The following PRKN variants were observed in gnomAD, a reference collection of about 807,000 sequenced individuals.
PRKN encodes parkin RBR E3 ubiquitin protein ligase.
In PRKN, 56 loss-of-function variants were observed where a neutral mutation model predicts 59.5. The ratio of observed to expected loss-of-function variants is 0.94; its 90% CI spans 0.76 to 1.18. The LOEUF (loss-of-function observed/expected upper bound fraction) is 1.18, where lower values mean the gene tolerates loss of function less well. PRKN is among the 50% of genes most tolerant of loss of function. The pLI, the probability that PRKN is intolerant of heterozygous loss-of-function variation, is 0.00. For missense variants in PRKN, 657 were observed against 596.4 expected (o/e 1.10, Z -1.06); for synonymous variants, 250 against 222.1 (o/e 1.13, Z -1.12).
chr6:162,654,620 T>C (rs779152554), intron 1 of PRKN, among the ~76,000 whole-genome samples: 11 of 152,226 alleles, frequency 7.2e-5, no homozygotes, highest in Non-Finnish European at 1.0e-4. Flanking sequence ...ATCTTCTGAT[T>C]CATTCAAGAG....
At position 161,371,055 on chromosome 6, in the gene PRKN, C is replaced by T. The variant is rs1221825220; in HGVS notation, c.1168-10850G>A. 6.6e-6 allele frequency among the ~76,000 whole-genome samples: 1 copy of T among 152,170 alleles called. No homozygotes were observed. The highest frequency in any genetic ancestry group is 1.5e-5 in the Non-Finnish European group (1 of 68,028). On this transcript the variant is annotated intron_variant, in intron 10 of 11. Transcript: ENST00000366898. This position sits in a 1 kb window ranked among gnomAD's most constrained non-coding sequence, Gnocchi z 5.5. ...TTTTCAGGGGCCTTGAGCTAGTCAA[C>T]GTTACTGCTTGGCAACGGGTGTCAC... is the stretch of plus-strand genomic sequence containing the variant.
intron 7 of PRKN, among the ~76,000 whole-genome samples, chr6:161,630,999 C>A (rs918191975): frequency 6.6e-6 from 1 of 152,246 alleles, no homozygotes; most frequent in Non-Finnish European, 1.5e-5. Context: ...GCGGGCAGCA[C>A]TACCCCAGAA....
chr6:162,400,072 T>A (rs1787684658), intron 2 of PRKN, among the ~76,000 whole-genome samples: 1 of 152,066 alleles, frequency 6.6e-6, no homozygotes, highest in African/African-American at 2.4e-5. Context: ...CTGGGCATGG[T>A]GGCAGGTGCC....
chr6:162,422,440 G>A (rs1789018076), intron 2 of PRKN, among the ~76,000 whole-genome samples: 1 of 152,120 alleles, frequency 6.6e-6, no homozygotes, highest in South Asian at 2.1e-4. Context: ...CACTGCACAT[G>A]AGCTGACAGC....
chr6:162,113,877 G>A (rs1780550563), intron 4 of PRKN, among the ~76,000 whole-genome samples: 1 of 151,972 alleles, frequency 6.6e-6, no homozygotes, highest in Non-Finnish European at 1.5e-5. Flanking sequence ...AATCCATCTT[G>A]AATTGATTTT....
chr6:161,765,884 T>C (rs1263283334), intron 7 of PRKN, among the ~76,000 whole-genome samples: 1 of 152,218 alleles, frequency 6.6e-6, no homozygotes, highest in Non-Finnish European at 1.5e-5. Context: ...CATGTTCAAA[T>C]TAAAATAGGG....
intron 11 of PRKN, among the ~76,000 whole-genome samples, chr6:161,358,489 C>G (rs1030593437): frequency 6.6e-6 from 1 of 152,042 alleles, no homozygotes; most frequent in Admixed American, 6.6e-5. Flanking sequence ...GTTGCGTACA[C>G]CTGTAGTCCC....
At chr6:162,135,643 C>T (rs1781535237) in intron 4 of PRKN, among the ~76,000 whole-genome samples, 1 of 152,104 alleles carries the variant, frequency 6.6e-6, no homozygotes, top group South Asian at 2.1e-4. Flanking sequence ...CTCTTGTCTC[C>T]ACGTCAGTGA....
intron 1 of PRKN, among the ~76,000 whole-genome samples, chr6:162,573,454 C>G (rs370304692): frequency 2.0e-5 from 3 of 152,166 alleles, no homozygotes; most frequent in African/African-American, 7.2e-5. Context: ...TTCTTCCATC[C>G]TTTGAAACCT....
At chr6:161,626,622 T>C (rs1219590352) in intron 7 of PRKN, among the ~76,000 whole-genome samples, 1 of 152,202 alleles carries the variant, frequency 6.6e-6, no homozygotes, top group Non-Finnish European at 1.5e-5. Context: ...TTTGCCAGCC[T>C]AGGCTCTGCT....
intron 1 of PRKN, among the ~76,000 whole-genome samples, chr6:162,705,825 TAA>T (rs1264808961): frequency 6.6e-6 from 1 of 152,094 alleles, no homozygotes; most frequent in African/African-American, 2.4e-5. Context: ...TTCCTATAAG[TAA>T]ACTCAGGAGC....
intron 2 of PRKN, among the ~76,000 whole-genome samples, chr6:162,426,085 T>C (rs1406505598): frequency 6.6e-6 from 1 of 152,216 alleles, no homozygotes; most frequent in Non-Finnish European, 1.5e-5. Context: ...ATAATCTCAA[T>C]ATAGAATTAT....
intron 1 of PRKN, among the ~76,000 whole-genome samples, chr6:162,673,123 T>A (rs894414444): frequency 6.6e-6 from 1 of 152,160 alleles, no homozygotes; most frequent in African/African-American, 2.4e-5. Flanking sequence ...ATCCATTTAT[T>A]TCTCCTATTT....
At chr6:162,681,558 G>C (rs2128232860) in intron 1 of PRKN, among the ~76,000 whole-genome samples, 1 of 152,138 alleles carries the variant, frequency 6.6e-6, no homozygotes, top group South Asian at 2.1e-4. Context: ...TGTGACCTTT[G>C]TAACTTTTCC....
At chr6:162,520,064 A>G (rs991633833) in intron 1 of PRKN, among the ~76,000 whole-genome samples, 4 of 152,174 alleles carry the variant, frequency 2.6e-5, no homozygotes, top group African/African-American at 9.7e-5. Flanking sequence ...AGCCTGGACA[A>G]CATAGTGAGA....
intron 1 of PRKN, among the ~76,000 whole-genome samples, chr6:162,637,247 A>T (rs1464230543): frequency 1.3e-5 from 2 of 149,686 alleles, no homozygotes; most frequent in African/African-American, 4.9e-5. Context: ...ACAGTGCAAG[A>T]CTCCGTCTGC....
chr6:162,407,582 T>C (rs1427060324), intron 2 of PRKN, among the ~76,000 whole-genome samples: 1 of 152,122 alleles, frequency 6.6e-6, no homozygotes, highest in South Asian at 2.1e-4. Context: ...AGACAGTCAA[T>C]CACAACTGTC....
chr6:162,452,693 TAG>T (rs1445462511), intron 1 of PRKN, among the ~76,000 whole-genome samples: 1 of 150,908 alleles, frequency 6.6e-6, no homozygotes, highest in African/African-American at 2.4e-5. Flanking sequence ...GGAAGAAAAA[TAG>T]AGAGGTAGAT....
intron 7 of PRKN, among the ~76,000 whole-genome samples, chr6:161,755,647 T>C (rs140151612): frequency 8.6e-4 from 131 of 152,274 alleles, no homozygotes; most frequent in African/African-American, 3.0e-3. Context: ...ACTTTCATTA[T>C]GAAACAGTGC....
Sources: gnomAD v4.1 joint callset for allele counts (sites outside exome capture counted in the v4.1 genomes callset) on GRCh38, gnomAD v4.1.1 for gene constraint, Gnocchi (gnomAD v3.1) non-coding constraint, MANE v1.5 for transcripts, NCBI Gene and HGNC (gene_info 2026-07-23, HGNC 2026-07-21) for gene names.